SLC35F1: variants seen among roughly 807,000 people sequenced by gnomAD.
SLC35F1 encodes chromosome 6 open reading frame 169.
Under a neutral mutation model 48.7 loss-of-function variants are expected in SLC35F1, and 14 were observed. The ratio of observed to expected loss-of-function variants is 0.29; its 90% CI spans 0.19 to 0.45. The LOEUF (loss-of-function observed/expected upper bound fraction) is 0.45. Among genes scored for constraint, SLC35F1 ranks in the 20% least tolerant of loss-of-function variants. The pLI is 1.00. For missense variants in SLC35F1, 404 were observed against 500.0 expected, an observed-to-expected ratio of 0.81 and a Z score of 1.83; for synonymous variants, 190 against 202.2, an observed-to-expected ratio of 0.94 and a Z score of 0.51.
chr6:118,090,722 G>A (rs1015962464), intron 1 of SLC35F1, among the ~76,000 whole-genome samples: 22 of 152,200 alleles, frequency 1.4e-4, no homozygotes, highest in Non-Finnish European at 2.9e-4. Context: ...TAAGGATTGA[G>A]TTTAACTCTG....
chr6:118,088,262 G>C (rs1279621741), intron 1 of SLC35F1, among the ~76,000 whole-genome samples: 4 of 152,184 alleles, frequency 2.6e-5, no homozygotes, highest in Non-Finnish European at 5.9e-5. Flanking sequence ...CATGATTCTA[G>C]ATCCTTATTT....
chr6:117,948,237 T>C (rs77757159), intron 1 of SLC35F1, among the ~76,000 whole-genome samples: 3,039 of 152,232 alleles, frequency 0.02, 40 homozygotes, highest in Non-Finnish European at 0.032. Flanking sequence ...GAAAAAGCAA[T>C]ACCACTTCAT....
intron 2 of SLC35F1, among the ~76,000 whole-genome samples, chr6:118,233,051 C>T (rs540851361): frequency 2.2e-4 from 33 of 152,126 alleles, no homozygotes; most frequent in African/African-American, 7.5e-4. Flanking sequence ...CTGCAACCTC[C>T]GCCTCCTGGG....
chr6:118,167,996 C>T (rs1034353264), intron 2 of SLC35F1, among the ~76,000 whole-genome samples: 4 of 152,122 alleles, frequency 2.6e-5, no homozygotes, highest in Admixed American at 6.5e-5. Context: ...TCATTATAAC[C>T]GCTAGAATCA....
chr6:118,305,149 C>T (rs1033525678), intron 7 of SLC35F1, among the ~76,000 whole-genome samples: 1 of 147,182 alleles, frequency 6.8e-6, no homozygotes, highest in East Asian at 2.0e-4. Context: ...CCATTGAGGG[C>T]TGACAAGTCC....
At chr6:118,253,451 T>C (rs1250207051) in intron 3 of SLC35F1, among the ~76,000 whole-genome samples, 1 of 152,098 alleles carries the variant, frequency 6.6e-6, no homozygotes, top group African/African-American at 2.4e-5. Flanking sequence ...TGAATGGATG[T>C]TGATAAGATG....
At chr6:118,150,377 T>C (rs1403768061) in intron 1 of SLC35F1, among the ~76,000 whole-genome samples, 1 of 152,180 alleles carries the variant, frequency 6.6e-6, no homozygotes, top group East Asian at 1.9e-4. Flanking sequence ...ATGCATAGTG[T>C]GTGACATATA....
chr6:118,289,444 G>T (rs1048104094), intron 7 of SLC35F1, among the ~76,000 whole-genome samples: 1 of 152,100 alleles, frequency 6.6e-6, no homozygotes, highest in Non-Finnish European at 1.5e-5. Context: ...GTCATCTATT[G>T]TCTTTTATTA....
At chr6:117,992,698 T>G (rs1460486925) in intron 1 of SLC35F1, among the ~76,000 whole-genome samples, 1 of 152,228 alleles carries the variant, frequency 6.6e-6, no homozygotes, top group East Asian at 1.9e-4. Context: ...TGGAATGGCT[T>G]ATAATTATTT....
chr6:118,182,362 C>T (rs1194587683), intron 2 of SLC35F1, among the ~76,000 whole-genome samples: 1 of 150,898 alleles, frequency 6.6e-6, no homozygotes, highest in Non-Finnish European at 1.5e-5. Context: ...TGGTGGCACA[C>T]CTCTGAGGCC....
intron 1 of SLC35F1, among the ~76,000 whole-genome samples, chr6:117,936,303 G>A (rs1305221809): frequency 6.6e-6 from 1 of 151,006 alleles, no homozygotes; most frequent in Non-Finnish European, 1.5e-5. Flanking sequence ...TAGGTCCAGG[G>A]GTGGATGCTT....
intron 1 of SLC35F1, among the ~76,000 whole-genome samples, chr6:118,143,728 T>C (rs1316466081): frequency 6.6e-6 from 1 of 152,216 alleles, no homozygotes; most frequent in Non-Finnish European, 1.5e-5. Flanking sequence ...TTAAAGATAA[T>C]TAAAACTATT....
chr6:117,955,312 C>G (rs1034661458), intron 1 of SLC35F1, among the ~76,000 whole-genome samples: 4 of 152,174 alleles, frequency 2.6e-5, no homozygotes, highest in Admixed American at 2.0e-4. Context: ...CTTATTTACT[C>G]CACAAATTAT....
chr6:118,290,514 CAA>C (rs57625995), intron 7 of SLC35F1, among the ~76,000 whole-genome samples: 4 of 120,894 alleles, frequency 3.3e-5, no homozygotes, highest in African/African-American at 6.1e-5. Context: ...TTAGTATCTG[CAA>C]AAAAAAAAAG....
intron 1 of SLC35F1, among the ~76,000 whole-genome samples, chr6:118,021,671 G>T (rs1045237002): frequency 1.3e-5 from 2 of 152,146 alleles, no homozygotes; most frequent in Non-Finnish European, 2.9e-5. Flanking sequence ...ACACAATTCT[G>T]TTGTCCCATA....
chr6:118,022,747 ATTTT>A (rs34879607), intron 1 of SLC35F1, among the ~76,000 whole-genome samples: 8 of 120,626 alleles, frequency 6.6e-5, no homozygotes, highest in African/African-American at 1.3e-4. Flanking sequence ...AGCTTGGACA[ATTTT>A]TTTTTTTTTT....
intron 1 of SLC35F1, among the ~76,000 whole-genome samples, chr6:118,107,858 C>G (rs778079438): frequency 6.6e-6 from 1 of 151,940 alleles, no homozygotes; most frequent in Non-Finnish European, 1.5e-5. Flanking sequence ...ATTTCAGGGT[C>G]AAACAAATCT....
intron 7 of SLC35F1, among the ~76,000 whole-genome samples, chr6:118,292,688 T>G (rs1199267388): frequency 5.1e-4 from 9 of 17,630 alleles, no homozygotes; most frequent in African/African-American, 3.7e-3. Context: ...TATTTGGTTG[T>G]TTTTTTTTTT....
intron 1 of SLC35F1, among the ~76,000 whole-genome samples, chr6:118,132,775 A>G (rs573783649): frequency 3.3e-5 from 5 of 152,190 alleles, no homozygotes; most frequent in Non-Finnish European, 7.3e-5. Flanking sequence ...TCTTAATTGT[A>G]TCCTCCACTA....
Sources: allele counts gnomAD v4.1 joint callset (sites outside exome capture counted in the v4.1 genomes callset), GRCh38; gene constraint gnomAD v4.1.1; transcripts MANE v1.5; gene names NCBI Gene and HGNC (gene_info 2026-07-23, HGNC 2026-07-21).